SLC15A1: variants seen among roughly 807,000 people sequenced by gnomAD.
SLC15A1 encodes the protein solute carrier family 15 member 1.
Under a neutral mutation model 92.9 loss-of-function variants are expected in SLC15A1, and 83 were observed. The observed-to-expected ratio is 0.89, with a 90% CI of 0.75 to 1.07. SLC15A1 has a LOEUF of 1.07. Ranked by LOEUF, SLC15A1 falls within the 50% of genes least tolerant of loss-of-function variation. SLC15A1 has a pLI of 0.00. For missense variants in SLC15A1, 857 were observed against 880.1 expected (o/e 0.97, Z 0.33); for synonymous variants, 322 against 318.2 (o/e 1.01, Z -0.13).
chr13:98,732,615 T>A (rs981699939), intron 1 of SLC15A1, among the ~76,000 whole-genome samples: 3 of 152,124 alleles, frequency 2.0e-5, no homozygotes, highest in African/African-American at 7.2e-5. Context: ...AACTTTGAAG[T>A]CTTATTACCT....
At chr13:98,695,488 G>A (rs995494857) in intron 18 of SLC15A1, among the ~76,000 whole-genome samples, 11 of 152,080 alleles carry the variant, frequency 7.2e-5, no homozygotes, top group Admixed American at 3.3e-4. Context: ...CGTGCCCCAG[G>A]TTCAAGTGAT....
At chr13:98,738,456 C>T (rs1425529587) in intron 1 of SLC15A1, among the ~76,000 whole-genome samples, 1 of 152,248 alleles carries the variant, frequency 6.6e-6, no homozygotes, top group Non-Finnish European at 1.5e-5. Flanking sequence ...GTTTCATGGG[C>T]CAGCCCAGGG....
At chr13:98,702,980 A>G (rs1355817280) in intron 17 of SLC15A1, among the ~76,000 whole-genome samples, 2 of 150,216 alleles carry the variant, frequency 1.3e-5, no homozygotes, top group African/African-American at 2.4e-5. Context: ...AAAAAAAAAA[A>G]AAAAAAAAAA....
chr13:98,710,016 T>C (rs2088148527), intron 11 of SLC15A1, 105 bp from the exon 12 acceptor site: 1 of 1,063,046 alleles, frequency 9.4e-7, no homozygotes, highest in Non-Finnish European at 1.4e-6. Context: ...TCTGACATGT[T>C]ATGGGATTTA....
chr13:98,719,444 T>C (rs1279933812), intron 7 of SLC15A1, 124 bp from the exon 8 acceptor site: 7 of 609,960 alleles, frequency 1.1e-5, no homozygotes, highest in Non-Finnish European at 2.0e-5. Flanking sequence ...ACATATCCAT[T>C]TGCCTCACTG....
Position 98,729,930 on chromosome 13 carries a change from G to A in SLC15A1, c.5-3071C>T, listed in dbSNP as rs79134559. On this transcript the variant is annotated intron_variant, in intron 1 of 22. Transcript: ENST00000376503. ...TGGTCTTGCATTTTTGCCCACTTAA[G>A]AGCATTTTAGGGCCGGGCGTGGTAG... 4.0e-4 allele frequency among the ~76,000 whole-genome samples: 61 copies of A among 152,216 alleles called. 3 individuals are homozygous for A. In the East Asian group the frequency reaches 0.012, roughly 30 times the overall value.
At chr13:98,716,044 A>T in intron 8 of SLC15A1, 84 bp from the exon 9 acceptor site, 2 of 1,155,532 alleles carry the variant, frequency 1.7e-6, no homozygotes, top group Non-Finnish European at 2.6e-6. Flanking sequence ...TATTTGAATT[A>T]TAACTTTGTT....
chr13:98,691,289 G>T (rs1181263702), intron 18 of SLC15A1, among the ~76,000 whole-genome samples: 1 of 151,934 alleles, frequency 6.6e-6, no homozygotes, highest in Non-Finnish European at 1.5e-5. Flanking sequence ...TGCCCACCTC[G>T]GCCTCCCAAA....
intron 8 of SLC15A1, among the ~76,000 whole-genome samples, chr13:98,717,667 AGAG>A (rs1237839255): frequency 6.6e-6 from 1 of 152,254 alleles, no homozygotes; most frequent in Non-Finnish European, 1.5e-5. Flanking sequence ...GACATTAAAA[AGAG>A]GAGAATACTG....
chr13:98,744,442 C>T (rs1173823536), intron 1 of SLC15A1, among the ~76,000 whole-genome samples: 1 of 151,134 alleles, frequency 6.6e-6, no homozygotes, highest in Admixed American at 6.6e-5. Context: ...GTTTTCTGCC[C>T]ACATGATAGA....
chr13:98,697,959 G>A (rs1254009632), intron 18 of SLC15A1, among the ~76,000 whole-genome samples: 1 of 152,144 alleles, frequency 6.6e-6, no homozygotes, highest in Non-Finnish European at 1.5e-5. Flanking sequence ...GAGGAAAAGT[G>A]GATTCCCAGA....
At position 98,687,603 on chromosome 13, in the gene SLC15A1, C is replaced by G; in HGVS notation, c.1805G>C (p.Gly602Ala). ...AACCTGAGAATATGAGAATTCCAAT[C>G]CCGTGACAGAGAAGACCACTTCGCC... Reference protein sequence around the residue: ...TCGEVVFSVTGLEFSYSQAPS... With the variant: ...TCGEVVFSVTALEFSYSQAPS... Residue 602 changes from glycine (G) to alanine (A), a missense_variant, in exon 21 of 23, where the codon GGA becomes GCA. Gly to Ala is a moderately conservative substitution (Grantham distance 60). Transcript: ENST00000376503. The G allele has an allele frequency of 6.2e-7, 1 of 1,614,106 alleles. No homozygotes were observed. Among genetic ancestry groups the G allele is most frequent in the Non-Finnish European group, 8.5e-7 (1 of 1,180,014 alleles).
intron 16 of SLC15A1, 111 bp from the exon 17 acceptor site, chr13:98,704,546 T>C (rs2088096873): frequency 1.0e-5 from 12 of 1,147,428 alleles, no homozygotes; most frequent in Non-Finnish European, 1.5e-5. Flanking sequence ...TTCATGTTCA[T>C]AGATACCAAA....
intron 18 of SLC15A1, among the ~76,000 whole-genome samples, chr13:98,699,007 G>C (rs1462989835): frequency 6.6e-6 from 1 of 151,972 alleles, no homozygotes; most frequent in Non-Finnish European, 1.5e-5. Flanking sequence ...GGTGCACAGT[G>C]CTATATAAAT....
intron 1 of SLC15A1, among the ~76,000 whole-genome samples, chr13:98,748,837 C>T (rs1272375542): frequency 1.3e-5 from 2 of 152,196 alleles, no homozygotes; most frequent in African/African-American, 2.4e-5. Context: ...GGAGCAGCAG[C>T]ATCACACCAC....
At chr13:98,686,920 A>G (rs552929573) in intron 21 of SLC15A1, among the ~76,000 whole-genome samples, 1 of 151,618 alleles carries the variant, frequency 6.6e-6, no homozygotes, top group Admixed American at 6.6e-5. Flanking sequence ...CTTAAAAGCA[A>G]TAATTCTTTT....
At chr13:98,716,394 G>C (rs1312660898) in intron 8 of SLC15A1, among the ~76,000 whole-genome samples, 1 of 152,162 alleles carries the variant, frequency 6.6e-6, no homozygotes, top group East Asian at 1.9e-4. Flanking sequence ...GGCCGAGGTG[G>C]GCGGATCACT....
In SLC15A1 at chr13:98,702,622, T is replaced by G; in HGVS notation, c.1417-93A>C. On this transcript the variant is annotated intron_variant, in intron 17 of 22. Coordinates refer to ENST00000376503, the MANE Select transcript of SLC15A1 (RefSeq NM_005073.4). ...TATTTCAGTCTTTGAGAAGGTGGTA[T>G]TGACACTTATCCTAGGACCTAAGGA... 2.9e-6 allele frequency: 3 copies of G among 1,046,060 alleles called. No homozygotes were observed. In the South Asian group the frequency reaches 3.9e-5, roughly 14 times the overall value. The allele number at this position is 1,046,060 out of a possible 1,614,324, so 64.8% of individuals were successfully genotyped here.
chr13:98,706,083 TATAAC>T (rs2088110285), intron 16 of SLC15A1, 46 bp downstream of exon 16: 2 of 1,578,206 alleles, frequency 1.3e-6, no homozygotes, highest in African/African-American at 2.8e-5. Flanking sequence ...TAAATCCTAT[TATAAC>T]AGGGTCAGAA....
Sources: gnomAD v4.1 joint callset for allele counts (sites outside exome capture counted in the v4.1 genomes callset) on GRCh38, gnomAD v4.1.1 for gene constraint, MANE v1.5 for transcripts, NCBI Gene and HGNC (gene_info 2026-07-23, HGNC 2026-07-21) for gene names.